Variants in PGR observed in about 807,000 individuals in gnomAD.
PGR encodes nuclear receptor subfamily 3 group C member 3.
In PGR, 25 loss-of-function variants were observed where a neutral mutation model predicts 76.1. The observed-to-expected ratio is 0.33, with a 90% CI of 0.24 to 0.46. The LOEUF is 0.46. PGR is among the 20% of genes least tolerant of loss of function. The pLI is 1.00. For synonymous variants in PGR, 579 were observed against 535.0 expected (o/e 1.08, Z -1.14); for missense variants, 1,172 against 1,225.3 (o/e 0.96, Z 0.65).
intron 3 of PGR, among the ~76,000 whole-genome samples, chr11:101,086,837 G>A (rs904594021): frequency 6.6e-6 from 1 of 151,902 alleles, no homozygotes; most frequent in Non-Finnish European, 1.5e-5. Flanking sequence ...ATTTAAAATA[G>A]CCACACACAC....
chr11:101,062,593 T>G lies in PGR; in HGVS notation c.2066A>C (p.Asn689Thr). 6.2e-7 allele frequency: 1 copy of G among 1,614,020 alleles called. No homozygotes were observed. The highest frequency in any genetic ancestry group is 8.5e-7 in the Non-Finnish European group (1 of 1,179,952). The change falls in exon 4 of 8, where the codon AAC becomes ACC. Residue 689 changes from asparagine to threonine, a missense_variant. Coordinates refer to ENST00000325455, the MANE Select transcript of PGR (RefSeq NM_000926.4). ...QDIQLIPPLI[N>T]LLMSIEPDVI... ...ATCTGGTTCAATGCTCATTAACAGG[T>G]TGATCAGTGGTGGAATCAACTGTAT...
In PGR at chr11:101,127,892, G is replaced by T. The variant is rs1379130; in HGVS notation, c.1179C>A (p.Gly393=). Residue 393 remains glycine (G), a synonymous_variant, in exon 1 of 8, where the codon GGC becomes GGA. Transcript: ENST00000325455. Reference sequence around the variant, plus strand: ...GCGGGGAGCGCGCGGAGGCCTCCGCGCCTTCCTCCTCCTCCTTTATCTTTA... The same window carrying T: ...GCGGGGAGCGCGCGGAGGCCTCCGCTCCTTCCTCCTCCTCCTTTATCTTTA... The part of the protein sequence containing the change: ...PALKIKEEEE[G]AEASARSPRS... 6.2e-7 allele frequency: 1 copy of T among 1,600,034 alleles called. No individual in the cohort carries two copies.
chr11:101,046,016 C>T (rs975301689), intron 6 of PGR, among the ~76,000 whole-genome samples: 1 of 152,048 alleles, frequency 6.6e-6, no homozygotes, highest in Non-Finnish European at 1.5e-5. Context: ...CAACCAATCC[C>T]TATATTTCCC....
At chr11:101,083,509 A>T (rs562559652) in intron 3 of PGR, among the ~76,000 whole-genome samples, 1 of 152,338 alleles carries the variant, frequency 6.6e-6, no homozygotes, top group South Asian at 2.1e-4. Context: ...CAGGCATTCA[A>T]TGCCAGCCTG....
chr11:101,085,004 G>T (rs1237244755), intron 3 of PGR, among the ~76,000 whole-genome samples: 4 of 152,150 alleles, frequency 2.6e-5, no homozygotes, highest in Non-Finnish European at 5.9e-5. Flanking sequence ...CAACAATAGT[G>T]GGGGACTGAT....
Position 101,127,744 on chromosome 11 carries a change from G to T in PGR, c.1327C>A (p.Pro443Thr). 6.4e-7 allele frequency: 1 copy of T among 1,560,602 alleles called. No individual in the cohort carries two copies. Among genetic ancestry groups the T allele is most frequent in the South Asian group, 1.2e-5 (1 of 86,318 alleles). The change falls in exon 1 of 8, where the codon CCC becomes ACC. Residue 443 changes from proline to threonine, a missense_variant. By Grantham distance (38) the Pro-to-Thr change is conservative. Around this residue, in one of 4 missense-constraint regions of PGR, gnomAD observed 893 missense variants for 785.9 expected, o/e 1.14. Coordinates refer to ENST00000325455, the MANE Select transcript of PGR (RefSeq NM_000926.4). ...GCAGACGAGACTGAGGCACTGGCGG[G>T]TGCGGCCGTCACCGCCGCTTCCCCG... ...RPGEAAVTAAPASASVSSASS... is the reference protein window; with the variant it reads ...RPGEAAVTAATASASVSSASS...
intron 4 of PGR, among the ~76,000 whole-genome samples, chr11:101,058,800 A>T (rs973747551): frequency 6.6e-6 from 1 of 152,200 alleles, no homozygotes; most frequent in Non-Finnish European, 1.5e-5. Context: ...ACCCTCCTTG[A>T]TCAGCCTATA....
chr11:101,078,116 C>A (rs1861183749), intron 3 of PGR, among the ~76,000 whole-genome samples: 1 of 152,012 alleles, frequency 6.6e-6, no homozygotes, highest in South Asian at 2.1e-4. Flanking sequence ...CAACAAAAAT[C>A]TTTACTACAC....
intron 2 of PGR, among the ~76,000 whole-genome samples, chr11:101,107,865 T>TAAA (rs56355097): frequency 8.4e-6 from 1 of 119,290 alleles, no homozygotes; most frequent in East Asian, 2.3e-4. Context: ...ACTGGCTTTG[T>TAAA]AAAAAAAAAA....
chr11:101,091,900 A>C, intron 2 of PGR, 24 bp from the exon 3 acceptor site: 1 of 1,090,758 alleles, frequency 9.2e-7, no homozygotes, highest in Non-Finnish European at 1.4e-6. Context: ...ATGAGTCAAA[A>C]TTATTTACAA....
At chr11:101,045,718 C>T (rs1859854564) in intron 6 of PGR, among the ~76,000 whole-genome samples, 1 of 149,970 alleles carries the variant, frequency 6.7e-6, no homozygotes, top group Non-Finnish European at 1.5e-5. Context: ...TGTGTGAGTA[C>T]ATCACATTTT....
chr11:101,104,073 A>G (rs1283597476), intron 2 of PGR, among the ~76,000 whole-genome samples: 2 of 152,236 alleles, frequency 1.3e-5, no homozygotes, highest in Non-Finnish European at 2.9e-5. Flanking sequence ...ACAGTTCAAT[A>G]AACAAATATT....
At chr11:101,069,924 A>G (rs1233207157) in intron 3 of PGR, among the ~76,000 whole-genome samples, 1 of 152,110 alleles carries the variant, frequency 6.6e-6, no homozygotes, top group Non-Finnish European at 1.5e-5. Context: ...TGTTGGGTGC[A>G]GCAAACCACC....
chr11:101,105,501 T>G (rs1253745501), intron 2 of PGR, among the ~76,000 whole-genome samples: 1 of 150,448 alleles, frequency 6.6e-6, no homozygotes, highest in Non-Finnish European at 1.5e-5. Flanking sequence ...ATTCCTTTTT[T>G]TTTTTTTTTT....
rs1403566857 is a variant in PGR at position 101,036,388 on chromosome 11, C to CT, written c.*2727dup. ...TTTAGACTCAAATGGCTTTTCAAAC[C>CT]TTTTTACAGAAAATATTTTCATTAA... On this transcript the variant is annotated 3_prime_UTR_variant, in exon 8 of 8. Coordinates refer to ENST00000325455, the MANE Select transcript of PGR (RefSeq NM_000926.4). 1 of 205,200 alleles carries CT rather than the reference C, an allele frequency of 4.9e-6. No homozygotes were observed. The allele number at this position is 205,200 out of a possible 1,614,324, so 12.7% of individuals were successfully genotyped here. A position where few individuals can be genotyped will look rare whatever the true frequency, so the allele number is the denominator to read the frequency against.
intron 2 of PGR, among the ~76,000 whole-genome samples, chr11:101,092,242 G>C (rs1350643578): frequency 2.6e-5 from 4 of 152,138 alleles, no homozygotes; most frequent in Non-Finnish European, 5.9e-5. Flanking sequence ...TCAAACTCTA[G>C]TAAAACCTTT....
chr11:101,098,204 AAATAT>A lies in PGR; in HGVS notation c.1790-6333_1790-6329del, dbSNP rs540551946. On this transcript the variant is annotated intron_variant, in intron 2 of 7. Transcript: ENST00000325455. ...ACAAAATTCCACTTTAAAGGAAATA[AAATAT>A]CTTTATTAGGAAATAAAATATCTTT... 3.6e-3 allele frequency among the ~76,000 whole-genome samples: 545 copies of A among 152,296 alleles called. 4 individuals carry two copies. Among genetic ancestry groups the A allele is most frequent in the African/African-American group, 0.012 (517 of 41,574 alleles).
At position 101,033,594 on chromosome 11, in the gene PGR, T is replaced by C. The variant is rs968477684; in HGVS notation, c.*5522A>G. On this transcript the variant is annotated 3_prime_UTR_variant, in exon 8 of 8. Coordinates refer to ENST00000325455, the MANE Select transcript of PGR (RefSeq NM_000926.4). ...CATGCTGCTCAGCAGCTTTCATTGA[T>C]ATGTCTTTGAATAACAAAACATTAA... The C allele has an allele frequency of 1.5e-5, 3 of 196,828 alleles. No homozygotes were observed. Among genetic ancestry groups the C allele is most frequent in the African/African-American group, 6.9e-5 (3 of 43,412 alleles). The allele number at this position is 196,828 out of a possible 1,614,324, so 12.2% of individuals were successfully genotyped here.
rs1388939366 is a variant in PGR, at chr11:101,030,582, T to C, written c.*8534A>G. On this transcript the variant is annotated 3_prime_UTR_variant, in exon 8 of 8. Coordinates refer to ENST00000325455, the MANE Select transcript of PGR (RefSeq NM_000926.4). ...TTTTCTCTTTGGCACTGGACCTTTCTCCTGGTCAGTTGGAGGCAGGCATAT... is the reference window on the plus strand; with the variant it reads ...TTTTCTCTTTGGCACTGGACCTTTCCCCTGGTCAGTTGGAGGCAGGCATAT... 1 of 222,586 alleles carries C rather than the reference T, an allele frequency of 4.5e-6. No homozygotes were observed. The highest frequency in any genetic ancestry group is 6.5e-5 in the East Asian group (1 of 15,288). 13.8% of individuals were successfully genotyped at this position (222,586 alleles called of 1,614,324 possible). A position where few individuals can be genotyped will look rare whatever the true frequency, so the allele number is the denominator to read the frequency against.
Sources: allele counts gnomAD v4.1 joint callset (sites outside exome capture counted in the v4.1 genomes callset), GRCh38; gene constraint gnomAD v4.1.1; regional missense constraint gnomAD v4.1.1; transcripts MANE v1.5; gene names NCBI Gene and HGNC (gene_info 2026-07-23, HGNC 2026-07-21).